TRIM49B: variants seen among roughly 807,000 people sequenced by gnomAD.
TRIM49B encodes tripartite motif containing 49B.
A neutral mutation model predicts 31.8 loss-of-function variants in TRIM49B; 18 were observed. The observed-to-expected ratio is 0.57, with a 90% CI of 0.39 to 0.84. The LOEUF (loss-of-function observed/expected upper bound fraction) is 0.84, where lower values mean the gene tolerates loss of function less well. Among genes scored for constraint, TRIM49B ranks in the 40% least tolerant of loss-of-function variants. The pLI is 0.00. For missense variants in TRIM49B, 494 were observed against 538.7 expected, an observed-to-expected ratio of 0.92 and a Z score of 0.82; for synonymous variants, 196 against 180.6, an observed-to-expected ratio of 1.09 and a Z score of -0.68.
chr11:49,037,826 C>T lies in TRIM49B; in HGVS notation c.1208C>T (p.Pro403Leu). The T allele has an allele frequency of 6.2e-7, 1 of 1,613,930 alleles. No homozygotes were observed. The highest frequency in any genetic ancestry group is 1.1e-5 in the South Asian group (1 of 91,068). Residue 403 changes from proline (P) to leucine (L), a missense_variant, in exon 7 of 7, where the codon CCA (proline) becomes CTA (leucine). Physicochemically the swap from Pro to Leu is moderately conservative, Grantham distance 98. Coordinates refer to ENST00000332682, the MANE Select transcript of TRIM49B (RefSeq NM_001206626.2). ...TTSPLLLQYI[P>L]RPTSRVGLFL... ...TCCCCACTTCTGCTGCAATATATCCCAAGACCTACCAGCCGAGTAGGATTA... is the reference window on the plus strand; with the variant it reads ...TCCCCACTTCTGCTGCAATATATCCTAAGACCTACCAGCCGAGTAGGATTA...
intron 2 of TRIM49B, 42 bp from the exon 3 acceptor site, chr11:49,032,234 T>C (rs1854463039): frequency 6.2e-7 from 1 of 1,612,528 alleles, no homozygotes; most frequent in African/African-American, 1.3e-5. Context: ...CCTCCCTATG[T>C]CATGGTCTGC....
intron 6 of TRIM49B, among the ~76,000 whole-genome samples, chr11:49,036,790 TG>T (rs1854535512): frequency 6.6e-6 from 1 of 152,194 alleles, no homozygotes. Context: ...TATAGTTTTC[TG>T]GAGATTCTTG....
rs781773546 is a variant in TRIM49B, at chr11:49,037,520, T to C, written c.902T>C (p.Phe301Ser). The change falls in exon 7 of 7, where the codon TTT (phenylalanine) becomes TCT (serine). Residue 301 changes from phenylalanine to serine, a missense_variant. By Grantham distance (155) the Phe-to-Ser change is radical (BLOSUM62 -2). Around this residue, in one of 3 missense-constraint regions of TRIM49B, gnomAD observed 233 missense variants for 281.4 expected, o/e 0.83. Transcript: ENST00000332682. ...CATGAAGAAGCCAACAGTGATATCT[T>C]TCTATGTGAAATTTTGAGAAGCATG... ...LHHEEANSDI[F>S]LCEILRSMCI... 7 of 1,614,102 alleles carry C rather than the reference T, an allele frequency of 4.3e-6. No homozygotes were observed. In the Admixed American group the frequency reaches 1.2e-4, roughly 27 times the overall value.
Position 49,028,969 on chromosome 11 carries a change from C to T in TRIM49B, c.-11C>T, listed in dbSNP as rs1195672797. The T allele has an allele frequency of 6.5e-6, 1 of 153,516 alleles. No individual in the cohort carries two copies. The highest frequency in any genetic ancestry group is 1.5e-5 in the Non-Finnish European group (1 of 68,042). 9.5% of individuals were successfully genotyped at this position (153,516 alleles called of 1,614,324 possible). ...ATCGTTGTGGGAACCATTAAAAGAA[C>T]TCAGGGGTGAGTGAAACATATTGAT... On this transcript the variant is annotated 5_prime_UTR_variant, in exon 1 of 7. Transcript: ENST00000332682.
At chr11:49,032,098 T>A in intron 2 of TRIM49B, 88 bp downstream of exon 2, 1 of 1,607,510 alleles carries the variant, frequency 6.2e-7, no homozygotes. Flanking sequence ...TAAAACAAAC[T>A]CTGAGTCCCT....
intron 6 of TRIM49B, among the ~76,000 whole-genome samples, chr11:49,037,238 A>G (rs1477932178): frequency 6.6e-6 from 1 of 151,968 alleles, no homozygotes; most frequent in African/African-American, 2.4e-5. Flanking sequence ...TACTTTGAAA[A>G]TTGGATTGAA....
rs1303102942 is a variant in TRIM49B at position 49,036,294 on chromosome 11, C to T, written c.762-7C>T. On this transcript the variant is annotated splice_polypyrimidine_tract_variant and splice_region_variant and intron_variant, in intron 5 of 6. Coordinates refer to ENST00000332682, the MANE Select transcript of TRIM49B (RefSeq NM_001206626.2). ...TAGATGTTGTAACTGCAGGTTTTTC[C>T]TTGCAGGAGTGAGTCCGTGCTGCTG... 10 of 1,527,622 alleles carry T rather than the reference C, an allele frequency of 6.5e-6. No homozygotes were observed. The highest frequency in any genetic ancestry group is 8.9e-6 in the Non-Finnish European group (10 of 1,125,020). The allele number at this position is 1,527,622 out of a possible 1,614,324, so 94.6% of individuals were successfully genotyped here.
Position 49,035,091 on chromosome 11 carries a change from T to C in TRIM49B, c.739-4T>C, listed in dbSNP as rs1590635846. 1 of 1,600,832 alleles carries C rather than the reference T, an allele frequency of 6.2e-7. No individual in the cohort carries two copies. The highest frequency in any genetic ancestry group is 8.5e-7 in the Non-Finnish European group (1 of 1,175,772). On this transcript the variant is annotated splice_region_variant and splice_polypyrimidine_tract_variant and intron_variant, in intron 4 of 6. Transcript: ENST00000332682. Reference sequence around the variant, plus strand: ...TAAATCTCTCTTTTTTTTTTTTTTTTCAGGCTTTTGGAGACATATTACACA... The same window carrying C: ...TAAATCTCTCTTTTTTTTTTTTTTTCCAGGCTTTTGGAGACATATTACACA...
chr11:49,036,569 T>C (rs1239662521), intron 6 of TRIM49B, among the ~76,000 whole-genome samples, 171 bp downstream of exon 6: 1 of 152,010 alleles, frequency 6.6e-6, no homozygotes, highest in Non-Finnish European at 1.5e-5. Context: ...GTCAGATTTA[T>C]AGCATTAAGT....
intron 3 of TRIM49B, among the ~76,000 whole-genome samples, chr11:49,033,940 T>G (rs1279059744): frequency 3.9e-5 from 6 of 152,236 alleles, no homozygotes; most frequent in Non-Finnish European, 1.5e-5. Flanking sequence ...AAACACATTA[T>G]CTTGAATAAA....
chr11:49,034,456 C>T (rs532639539), intron 4 of TRIM49B, 80 bp downstream of exon 4: 3 of 1,611,080 alleles, frequency 1.9e-6, no homozygotes, highest in South Asian at 1.1e-5. Flanking sequence ...ATCCATCTCC[C>T]TAATTTTATT....
Position 49,031,161 on chromosome 11 carries a change from ACCATCTTCTCATATTTCTTTGG to A in TRIM49B, c.-4-410_-4-389del, listed in dbSNP as rs1185422867. 5.3e-5 allele frequency among the ~76,000 whole-genome samples: 8 copies of A among 152,058 alleles called. No individual in the cohort carries two copies. In the South Asian group the frequency reaches 8.3e-4, roughly 16 times the overall value. On this transcript the variant is annotated intron_variant, in intron 1 of 6. Coordinates refer to ENST00000332682, the MANE Select transcript of TRIM49B (RefSeq NM_001206626.2). ...ACCCTCTATAAAAATATGTCATAGAACCATCTTCTCATATTTCTTTGGCCATCTTCTCATATTTCTTTGGCCC... is the reference window on the plus strand; with the variant it reads ...ACCCTCTATAAAAATATGTCATAGAACCATCTTCTCATATTTCTTTGGCCC...
intron 5 of TRIM49B, among the ~76,000 whole-genome samples, chr11:49,035,802 T>C (rs1318711833): frequency 2.0e-5 from 3 of 152,192 alleles, no homozygotes; most frequent in Non-Finnish European, 2.9e-5. Flanking sequence ...TTTTGTTTTT[T>C]ATACATATAT....
chr11:49,029,883 G>A (rs868702411), intron 1 of TRIM49B, among the ~76,000 whole-genome samples: 1 of 152,104 alleles, frequency 6.6e-6, no homozygotes, highest in Non-Finnish European at 1.5e-5. Context: ...TACACAAATA[G>A]TTATCATTGT....
chr11:49,031,749 C>G lies in TRIM49B; in HGVS notation c.150C>G (p.Val50=). The G allele has an allele frequency of 2.5e-6, 4 of 1,613,948 alleles. No homozygotes were observed. Among genetic ancestry groups the G allele is most frequent in the Middle Eastern group, 1.7e-4 (1 of 6,056 alleles). ...YLNWKDSPFL[V]QCSECTKSTG... ...ACTGGAAAGACAGCCCATTTCTTGT[C>G]CAGTGCTCTGAATGCACAAAGTCAA... Residue 50 remains valine, a synonymous_variant, in exon 2 of 7, where the codon GTC becomes GTG. Coordinates refer to ENST00000332682, the MANE Select transcript of TRIM49B (RefSeq NM_001206626.2).
At chr11:49,033,904 G>GT (rs1001404043) in intron 3 of TRIM49B, among the ~76,000 whole-genome samples, 10 of 151,980 alleles carry the variant, frequency 6.6e-5, no homozygotes, top group Admixed American at 5.2e-4. Context: ...TTCAAATTGT[G>GT]TTTTTTTATT....
intron 6 of TRIM49B, among the ~76,000 whole-genome samples, chr11:49,037,220 A>G (rs1188910090): frequency 3.9e-5 from 6 of 152,244 alleles, no homozygotes; most frequent in Non-Finnish European, 8.8e-5. Context: ...CATACAATGT[A>G]TAAATTTTAC....
In TRIM49B at chr11:49,031,987, G is replaced by C. The variant is rs558492102; in HGVS notation, c.388G>C (p.Glu130Gln). 6.2e-7 allele frequency: 1 copy of C among 1,611,898 alleles called. No individual in the cohort carries two copies. Among genetic ancestry groups the C allele is most frequent in the Non-Finnish European group, 8.5e-7 (1 of 1,179,878 alleles). The change falls in exon 2 of 7, where the codon GAG (glutamate) becomes CAG (glutamine). Residue 130 changes from glutamate (E) to glutamine (Q), a missense_variant. By Grantham distance (29) the Glu-to-Gln change is conservative (BLOSUM62 2). Transcript: ENST00000332682. ...CCGGGATCACAGACACTGTCCCATT[G>C]AGTCGGCTGCTGAGGAACACCAGGT... is the stretch of plus-strand genomic sequence containing the variant. ...EHRDHRHCPI[E>Q]SAAEEHQEKL...
At position 49,036,265 on chromosome 11, in the gene TRIM49B, G is replaced by C. The variant is rs774500316; in HGVS notation, c.762-36G>C. On this transcript the variant is annotated intron_variant, in intron 5 of 6. Transcript: ENST00000332682. ...AATAGTGATTTTTATTTATTTTATG[G>C]CTGTAGATGTTGTAACTGCAGGTTT... is the stretch of plus-strand genomic sequence containing the variant. The C allele has an allele frequency of 6.9e-6, 11 of 1,585,548 alleles. No homozygotes were observed. The East Asian group carries it at 2.5e-4, about 36-fold the overall frequency.
Sources: allele counts gnomAD v4.1 joint callset (sites outside exome capture counted in the v4.1 genomes callset), GRCh38; gene constraint gnomAD v4.1.1; regional missense constraint gnomAD v4.1.1; transcripts MANE v1.5; gene names NCBI Gene and HGNC (gene_info 2026-07-23, HGNC 2026-07-21).